The following SIMC1 variants were observed in gnomAD, a reference collection of about 807,000 sequenced individuals.
SIMC1 encodes the protein SUMO-interacting motif-containing protein 1.
A neutral mutation model predicts 82.3 loss-of-function variants in SIMC1; 55 were observed. That is an observed-to-expected ratio of 0.67 (90% confidence interval 0.54 to 0.84). The LOEUF (loss-of-function observed/expected upper bound fraction) is 0.84, where lower values mean the gene tolerates loss of function less well. Ranked by LOEUF, SIMC1 falls within the 40% of genes least tolerant of loss-of-function variation. SIMC1 has a pLI of 0.00. For synonymous variants in SIMC1, 353 were observed against 426.3 expected (o/e 0.83, Z 2.12); for missense variants, 915 against 1,107.2 (o/e 0.83, Z 2.46).
rs1561682130 is a variant in SIMC1, at chr5:176,271,925, ATT to A, written c.130-17728_130-17727del. Among the ~76,000 whole-genome samples, 144 of 45,500 alleles carry A rather than the reference ATT, an allele frequency of 3.2e-3. 1 individual carries two copies. The highest frequency in any genetic ancestry group is 5.9e-3 in the African/African-American group (139 of 23,446). The allele number at this position is 45,500 out of a possible 152,430, so 29.8% of individuals were successfully genotyped here. On this transcript the variant is annotated intron_variant, in intron 1 of 9. Transcript: ENST00000429602. ...ACATTAGTATATAATTGTATATTAT[ATT>A]ATAATATATACTATTATATATTATA... is the stretch of plus-strand genomic sequence containing the variant.
At position 176,290,869 on chromosome 5, in the gene SIMC1, T is replaced by C. The variant is rs371186748; in HGVS notation, c.1345T>C (p.Cys449Arg). The part of the protein sequence containing the change: ...TPQGGLYNRP[C>R]LHRLKYFLRP... ...ACAAGGTGGGTTGTACAACAGACCATGCCTGCATAGACTGAAGTACTTCTT... is the reference window on the plus strand; with the variant it reads ...ACAAGGTGGGTTGTACAACAGACCACGCCTGCATAGACTGAAGTACTTCTT... The change falls in exon 2 of 10, where the codon TGC becomes CGC. Residue 449 changes from cysteine (C) to arginine (R), a missense_variant. By Grantham distance (180) the Cys-to-Arg change is radical. Coordinates refer to ENST00000429602, the MANE Select transcript of SIMC1 (RefSeq NM_001308195.2). 4.3e-6 allele frequency: 7 copies of C among 1,613,200 alleles called. No individual in the cohort carries two copies. The African/African-American group carries it at 5.3e-5, about 12-fold the overall frequency.
chr5:176,303,586 C>G (rs943525094), intron 4 of SIMC1, among the ~76,000 whole-genome samples: 4 of 152,198 alleles, frequency 2.6e-5, no homozygotes, highest in Non-Finnish European at 5.9e-5. Flanking sequence ...TCCCGAAGTG[C>G]TGGGATTACA....
intron 7 of SIMC1, among the ~76,000 whole-genome samples, chr5:176,329,830 A>G (rs1489804569): frequency 6.6e-6 from 1 of 152,214 alleles, no homozygotes; most frequent in African/African-American, 2.4e-5. Context: ...AGATTTACAC[A>G]TATGAAAAGG....
At position 176,275,710 on chromosome 5, in the gene SIMC1, T is replaced by A. The variant is rs140102115; in HGVS notation, c.130-13944T>A. Among the ~76,000 whole-genome samples the A allele has an allele frequency of 7.5e-3, 1,137 of 152,056 alleles. 12 individuals are homozygous for A. The highest frequency in any genetic ancestry group is 0.026 in the African/African-American group (1,076 of 41,538). The stretch of plus-strand genomic sequence containing the variant: ...TTGTTGAATTTTGTCAACAACCTTT[T>A]CTGCATCTATTGAGATAATCATGTG... On this transcript the variant is annotated intron_variant, in intron 1 of 9. Coordinates refer to ENST00000429602, the MANE Select transcript of SIMC1 (RefSeq NM_001308195.2).
intron 1 of SIMC1, among the ~76,000 whole-genome samples, chr5:176,251,975 C>G (rs1490469610): frequency 6.6e-6 from 1 of 151,122 alleles, no homozygotes; most frequent in Admixed American, 6.6e-5. Flanking sequence ...TTTCCCATGT[C>G]TACTTCTTTC....
In SIMC1 at chr5:176,290,647, C is replaced by T; in HGVS notation, c.1123C>T (p.Gln375Ter). 6.2e-7 allele frequency: 1 copy of T among 1,613,996 alleles called. No individual in the cohort carries two copies. The change falls in exon 2 of 10, where the codon CAG becomes TAG. Residue 375 changes from glutamine (Q) to a stop codon, truncating the protein, a stop_gained. Coordinates refer to ENST00000429602, the MANE Select transcript of SIMC1 (RefSeq NM_001308195.2). LOFTEE classifies it high-confidence loss of function. ...HLPGDRPDFT[Q>*]NDVQNRDMPM... is the part of the protein sequence containing the mutation. ...ACCAGGAGACAGGCCTGACTTTACCCAGAATGATGTACAGAACCGTGACAT... is the reference window on the plus strand; with the variant it reads ...ACCAGGAGACAGGCCTGACTTTACCTAGAATGATGTACAGAACCGTGACAT...
intron 7 of SIMC1, among the ~76,000 whole-genome samples, chr5:176,327,828 A>G (rs1221743083): frequency 6.6e-6 from 1 of 152,184 alleles, no homozygotes; most frequent in African/African-American, 2.4e-5. Flanking sequence ...TGTTGTCTCC[A>G]TCTATTGAGA....
intron 9 of SIMC1, 120 bp from the exon 10 acceptor site, chr5:176,345,063 C>T (rs1201237638): frequency 1.5e-6 from 2 of 1,337,128 alleles, no homozygotes; most frequent in Admixed American, 2.3e-5. Context: ...CAGCCTTCGA[C>T]TTGTATCCCT....
At chr5:176,243,520 CT>C (rs3084814) in intron 1 of SIMC1, among the ~76,000 whole-genome samples, 240 of 144,434 alleles carry the variant, frequency 1.7e-3, no homozygotes, top group Middle Eastern at 0.011. Flanking sequence ...ATTTGATTTA[CT>C]TTTTTTTTTT....
intron 7 of SIMC1, among the ~76,000 whole-genome samples, chr5:176,333,888 T>G (rs930289806): frequency 6.6e-6 from 1 of 152,100 alleles, no homozygotes; most frequent in Non-Finnish European, 1.5e-5. Context: ...TCTCTCTCAA[T>G]AGTCTTTAAA....
intron 3 of SIMC1, among the ~76,000 whole-genome samples, chr5:176,295,952 C>T (rs144631626): frequency 2.6e-5 from 4 of 152,276 alleles, no homozygotes; most frequent in African/African-American, 9.6e-5. Flanking sequence ...CTAAAAAAGC[C>T]ACATACTTCA....
chr5:176,248,761 T>C (rs1052694421), intron 1 of SIMC1, among the ~76,000 whole-genome samples: 1 of 152,158 alleles, frequency 6.6e-6, no homozygotes, highest in Admixed American at 6.5e-5. Flanking sequence ...ATAGCTCTTA[T>C]TATTTTGAGA....
intron 1 of SIMC1, among the ~76,000 whole-genome samples, chr5:176,242,469 T>G (rs1248792682): frequency 6.7e-6 from 1 of 149,702 alleles, no homozygotes; most frequent in African/African-American, 2.6e-5. Context: ...TACATATATT[T>G]TATGCATTCA....
chr5:176,334,895 C>T (rs1385141562), intron 7 of SIMC1, among the ~76,000 whole-genome samples: 1 of 151,970 alleles, frequency 6.6e-6, no homozygotes, highest in Non-Finnish European at 1.5e-5. Context: ...AGTTCGAGAC[C>T]AGCCTGGCCA....
In SIMC1 at chr5:176,336,752, T is replaced by A. The variant is rs1275639997; in HGVS notation, c.2204T>A (p.Leu735His). 6.2e-7 allele frequency: 1 copy of A among 1,613,932 alleles called. No homozygotes were observed. The highest frequency in any genetic ancestry group is 8.5e-7 in the Non-Finnish European group (1 of 1,179,910). Reference sequence around the variant, plus strand: ...TTCTTTACTACCATGGAAAGCCACCTTCTGCGCTGCAAAGTGTTAGAAATC... The same window carrying A: ...TTCTTTACTACCATGGAAAGCCACCATCTGCGCTGCAAAGTGTTAGAAATC... The part of the protein sequence containing the change: ...EMFFTTMESH[L>H]LRCKVLEIIF... The change falls in exon 8 of 10, where the codon CTT (leucine) becomes CAT (histidine). Residue 735 changes from leucine to histidine, a missense_variant. Transcript: ENST00000429602.
At chr5:176,343,157 A>G (rs1470746559) in intron 9 of SIMC1, among the ~76,000 whole-genome samples, 1 of 152,202 alleles carries the variant, frequency 6.6e-6, no homozygotes, top group Non-Finnish European at 1.5e-5. Flanking sequence ...GAAAAAACAT[A>G]TTGAATGTAT....
chr5:176,323,970 A>G (rs1765267285), intron 6 of SIMC1, among the ~76,000 whole-genome samples: 1 of 150,824 alleles, frequency 6.6e-6, no homozygotes, highest in African/African-American at 2.4e-5. Flanking sequence ...CCTGGGCGAC[A>G]GAGCTAGACT....
At position 176,302,177 on chromosome 5, in the gene SIMC1, G is replaced by A. The variant is rs551567689; in HGVS notation, c.1734+5857G>A. Among the ~76,000 whole-genome samples, 122 of 152,140 alleles carry A rather than the reference G, an allele frequency of 8.0e-4. 5 individuals are homozygous for A. In the South Asian group the frequency reaches 0.025, roughly 31 times the overall value. On this transcript the variant is annotated intron_variant, in intron 4 of 9. Coordinates refer to ENST00000429602, the MANE Select transcript of SIMC1 (RefSeq NM_001308195.2). ...TTTTTTCAATTATTTTCAAATCTCA[G>A]TTGGTTGAATCCATGGATGCAGAAC...
intron 4 of SIMC1, chr5:176,308,227 T>C: frequency 1.3e-6 from 2 of 1,531,914 alleles, no homozygotes; most frequent in Non-Finnish European, 1.8e-6. Context: ...TTGCATATAC[T>C]GGAACTGAAA....
Sources: allele counts gnomAD v4.1 joint callset (sites outside exome capture counted in the v4.1 genomes callset), GRCh38; gene constraint gnomAD v4.1.1; transcripts MANE v1.5; gene names NCBI Gene and HGNC (gene_info 2026-07-23, HGNC 2026-07-21).